The following HIVEP3 variants were observed in gnomAD, a reference collection of about 807,000 sequenced individuals.
The protein encoded by HIVEP3 is transcription factor HIVEP3.
Under a neutral mutation model 152.8 loss-of-function variants are expected in HIVEP3, and 49 were observed. That is an observed-to-expected ratio of 0.32 (90% confidence interval 0.26 to 0.41). HIVEP3 has a LOEUF of 0.41. HIVEP3 is among the 10% of genes least tolerant of loss of function. The pLI is 1.00. For missense variants in HIVEP3, 2,790 were observed against 3,103.3 expected, an observed-to-expected ratio of 0.90 and a Z score of 2.40; for synonymous variants, 1,269 against 1,289.0, an observed-to-expected ratio of 0.98 and a Z score of 0.33.
chr1:41,786,513 T>C (rs1649356769), intron 1 of HIVEP3, among the ~76,000 whole-genome samples: 1 of 152,226 alleles, frequency 6.6e-6, no homozygotes, highest in Non-Finnish European at 1.5e-5. Context: ...AAATCTGAGA[T>C]GCTGCCTGTT....
chr1:41,956,559 A>G (rs1042396225), intron 1 of HIVEP3, among the ~76,000 whole-genome samples: 1 of 152,196 alleles, frequency 6.6e-6, no homozygotes, highest in African/African-American at 2.4e-5. Context: ...CAAATATCAC[A>G]TGGTCTAAGT....
At chr1:41,963,836 GA>G (rs1645182867) in intron 1 of HIVEP3, among the ~76,000 whole-genome samples, 1 of 152,028 alleles carries the variant, frequency 6.6e-6, no homozygotes, top group Admixed American at 6.6e-5. Context: ...TTTTTCTGCC[GA>G]ACAGATTCAA....
intron 1 of HIVEP3, among the ~76,000 whole-genome samples, chr1:41,850,120 T>C (rs1643556223): frequency 1.3e-5 from 2 of 152,202 alleles, no homozygotes; most frequent in South Asian, 4.1e-4. Context: ...AATCAGTAGG[T>C]CTGGGGTGGA....
At chr1:41,869,080 G>A (rs1252114781) in intron 1 of HIVEP3, among the ~76,000 whole-genome samples, 1 of 152,098 alleles carries the variant, frequency 6.6e-6, no homozygotes, top group Non-Finnish European at 1.5e-5. Context: ...CCTCCTTCCT[G>A]TTCATGTCTA....
At chr1:41,953,428 G>GGAT (rs2124492895) in intron 1 of HIVEP3, among the ~76,000 whole-genome samples, 1 of 152,244 alleles carries the variant, frequency 6.6e-6, no homozygotes, top group East Asian at 1.9e-4. Context: ...GTTTCTATGA[G>GGAT]GATTAAATGA....
chr1:41,530,875 G>A (rs947315413), intron 5 of HIVEP3, among the ~76,000 whole-genome samples: 2 of 152,198 alleles, frequency 1.3e-5, no homozygotes, highest in Non-Finnish European at 2.9e-5. Context: ...GGGAGAGAGA[G>A]GACTCTGAGC....
chr1:41,570,750 C>T (rs1367578873), intron 5 of HIVEP3, among the ~76,000 whole-genome samples: 1 of 152,184 alleles, frequency 6.6e-6, no homozygotes. Context: ...GAACTGACTA[C>T]TGACTTCTGC....
chr1:41,766,184 G>A (rs111301082), intron 1 of HIVEP3, among the ~76,000 whole-genome samples: 13 of 152,332 alleles, frequency 8.5e-5, no homozygotes, highest in African/African-American at 2.6e-4. Context: ...TGGAGGCTCT[G>A]GAGTTAGTGC....
At position 41,524,522 on chromosome 1, in the gene HIVEP3, CAGG is replaced by C. The variant is rs1442022221; in HGVS notation, c.5383+210_5383+212del. 4.6e-5 allele frequency among the ~76,000 whole-genome samples: 7 copies of C among 152,248 alleles called. 1 individual carries two copies. The highest frequency in any genetic ancestry group is 1.7e-4 in the African/African-American group (7 of 41,546). On this transcript the variant is annotated intron_variant, in intron 6 of 8. Transcript: ENST00000372583. ...AGGTGCAGGGGCTGTGTGTGTGTTC[CAGG>C]AGGATGGCTGGGGGCAGCCATGGGG...
chr1:41,751,268 T>C (rs964810098), intron 1 of HIVEP3, among the ~76,000 whole-genome samples: 1 of 150,814 alleles, frequency 6.6e-6, no homozygotes, highest in Non-Finnish European at 1.5e-5. Context: ...TGGCAGGCTT[T>C]ATTTCCAACT....
intron 1 of HIVEP3, among the ~76,000 whole-genome samples, chr1:41,932,453 AT>A (rs1345062112): frequency 6.6e-6 from 1 of 151,838 alleles, no homozygotes; most frequent in Non-Finnish European, 1.5e-5. Flanking sequence ...AAGTTGTCAA[AT>A]TTATGGGCAC....
chr1:41,908,252 G>A (rs1644744916), intron 1 of HIVEP3, among the ~76,000 whole-genome samples: 1 of 151,958 alleles, frequency 6.6e-6, no homozygotes, highest in African/African-American at 2.4e-5. Flanking sequence ...CTGAAAATCG[G>A]CCAAAAATCC....
At chr1:41,610,620 C>A (rs1353897157) in intron 3 of HIVEP3, among the ~76,000 whole-genome samples, 1 of 152,220 alleles carries the variant, frequency 6.6e-6, no homozygotes, top group Non-Finnish European at 1.5e-5. Context: ...CAGTGGCCCA[C>A]AGCCTTCTTC....
intron 1 of HIVEP3, among the ~76,000 whole-genome samples, chr1:41,930,506 T>C (rs1644991052): frequency 6.6e-6 from 1 of 152,226 alleles, no homozygotes; most frequent in African/African-American, 2.4e-5. Flanking sequence ...ATATCACTTC[T>C]GTTCGCCTGT....
intron 1 of HIVEP3, among the ~76,000 whole-genome samples, chr1:41,820,039 C>G (rs907413448): frequency 6.6e-6 from 1 of 152,020 alleles, no homozygotes; most frequent in East Asian, 1.9e-4. Context: ...TTCAATAAAA[C>G]TTTATTGACA....
rs182790180 is a variant in HIVEP3, at chr1:41,657,610, T to C, written c.-720-28663A>G. ...TTTTCATCCTAACAACTGAAACTAG[T>C]TGTTGTTTATGGTTCACCTACTAAG... On this transcript the variant is annotated intron_variant, in intron 2 of 8. Coordinates refer to ENST00000372583, the MANE Select transcript of HIVEP3 (RefSeq NM_024503.5). Among the ~76,000 whole-genome samples, 96 of 152,278 alleles carry C rather than the reference T, an allele frequency of 6.3e-4. 1 individual carries two copies. The highest frequency in any genetic ancestry group is 2.1e-3 in the African/African-American group (88 of 41,556).
intron 1 of HIVEP3, among the ~76,000 whole-genome samples, chr1:41,980,408 G>A (rs544431187): frequency 1.3e-5 from 2 of 152,238 alleles, no homozygotes; most frequent in African/African-American, 4.8e-5. Context: ...GCTACAATGC[G>A]ATGAATGTCA....
chr1:42,034,239 A>C lies in HIVEP3; in HGVS notation n.119+1568T>G, dbSNP rs943371080. On this transcript the variant is annotated intron_variant and non_coding_transcript_variant, in intron 1 of 3. Coordinates refer to the HIVEP3 transcript ENST00000489103. Reference sequence around the variant, plus strand: ...TGACCTCATAAAGACCTCATACATCAGAAGCATTGTAACATTTACTGCACC... The same window carrying C: ...TGACCTCATAAAGACCTCATACATCCGAAGCATTGTAACATTTACTGCACC... 5.9e-5 allele frequency among the ~76,000 whole-genome samples: 9 copies of C among 152,350 alleles called. No individual in the cohort carries two copies. In the East Asian group the frequency reaches 1.7e-3, roughly 29 times the overall value.
intron 1 of HIVEP3, among the ~76,000 whole-genome samples, chr1:41,947,887 A>C (rs1253801368): frequency 6.6e-6 from 1 of 152,244 alleles, no homozygotes; most frequent in African/African-American, 2.4e-5. Context: ...ACATCTCATG[A>C]TGTGAATGGC....
Sources: gnomAD v4.1 joint callset for allele counts (sites outside exome capture counted in the v4.1 genomes callset) on GRCh38, gnomAD v4.1.1 for gene constraint, MANE v1.5 for transcripts, NCBI Gene and HGNC (gene_info 2026-07-23, HGNC 2026-07-21) for gene names.